The following SH3RF3 variants were observed in gnomAD, a reference collection of about 807,000 sequenced individuals.
SH3RF3 encodes the protein E3 ubiquitin-protein ligase SH3RF3.
Under a neutral mutation model 66.3 loss-of-function variants are expected in SH3RF3, and 29 were observed. That is an observed-to-expected ratio of 0.44 (90% CI 0.33 to 0.60). The LOEUF (loss-of-function observed/expected upper bound fraction) is 0.60, where lower values mean the gene tolerates loss of function less well. Among genes scored for constraint, SH3RF3 ranks in the 20% least tolerant of loss-of-function variants. The pLI, the probability that SH3RF3 is intolerant of heterozygous loss-of-function variation, is 0.04. For missense variants in SH3RF3, 1,194 were observed against 1,190.9 expected, an observed-to-expected ratio of 1.00 and a Z score of -0.04; for synonymous variants, 583 against 532.0, an observed-to-expected ratio of 1.10 and a Z score of -1.32.
intron 1 of SH3RF3, among the ~76,000 whole-genome samples, chr2:109,268,026 G>A (rs1388165737): frequency 6.6e-6 from 1 of 151,902 alleles, no homozygotes; most frequent in African/African-American, 2.4e-5. Flanking sequence ...TGGACTCTGT[G>A]TCCAGTCCTT....
At chr2:109,195,613 T>C (rs370784408) in intron 1 of SH3RF3, among the ~76,000 whole-genome samples, 1 of 152,246 alleles carries the variant, frequency 6.6e-6, no homozygotes, top group African/African-American at 2.4e-5. Flanking sequence ...CATCGTTTTC[T>C]GGAAGGATGC....
intron 8 of SH3RF3, among the ~76,000 whole-genome samples, chr2:109,459,322 A>G (rs1166162644): frequency 3.3e-5 from 5 of 152,140 alleles, no homozygotes; most frequent in African/African-American, 4.8e-5. Context: ...TCACATGGTC[A>G]TGGCTGGTAT....
At chr2:109,149,674 C>T (rs1276849784) in intron 1 of SH3RF3, among the ~76,000 whole-genome samples, 1 of 152,176 alleles carries the variant, frequency 6.6e-6, no homozygotes, top group Non-Finnish European at 1.5e-5. Flanking sequence ...GTGGCAGCAG[C>T]AACGTTGCAG....
At chr2:109,176,931 G>A (rs1019902223) in intron 1 of SH3RF3, among the ~76,000 whole-genome samples, 2 of 152,290 alleles carry the variant, frequency 1.3e-5, no homozygotes, top group South Asian at 2.1e-4. Context: ...TGGTGGAAAG[G>A]AGATTGATCA....
At chr2:109,460,306 C>T (rs984755888) in intron 8 of SH3RF3, among the ~76,000 whole-genome samples, 1 of 152,190 alleles carries the variant, frequency 6.6e-6, no homozygotes, top group Non-Finnish European at 1.5e-5. Context: ...TTGCCCCTTC[C>T]TTGATGGAGG....
At chr2:109,393,466 C>G (rs1676057431) in intron 3 of SH3RF3, among the ~76,000 whole-genome samples, 2 of 152,206 alleles carry the variant, frequency 1.3e-5, no homozygotes, top group Admixed American at 6.5e-5. Context: ...CCAGGTCGTT[C>G]AGTGCACACT....
rs930856367 is a variant in SH3RF3 at position 109,164,163 on chromosome 2, C to G, written c.573+34050C>G. 2.6e-5 allele frequency among the ~76,000 whole-genome samples: 4 copies of G among 152,010 alleles called. No individual in the cohort carries two copies. The South Asian group carries it at 8.3e-4, about 32-fold the overall frequency. On this transcript the variant is annotated intron_variant, in intron 1 of 9. Coordinates refer to ENST00000309415, the MANE Select transcript of SH3RF3 (RefSeq NM_001099289.3). ...TTTTGGTCCAGGAAAACTCTGATGC[C>G]TCTCTCTTTTTTTTTTCTTTTACTT...
chr2:109,352,924 T>G (rs764261733), intron 2 of SH3RF3, among the ~76,000 whole-genome samples: 2 of 152,274 alleles, frequency 1.3e-5, no homozygotes, highest in African/African-American at 2.4e-5. Flanking sequence ...GGGCTGTATC[T>G]GAAGCTTTGC....
intron 4 of SH3RF3, among the ~76,000 whole-genome samples, chr2:109,406,819 A>G (rs1676463680): frequency 6.6e-6 from 1 of 152,152 alleles, no homozygotes; most frequent in South Asian, 2.1e-4. Flanking sequence ...GGCTACATGG[A>G]AGCCTCTGCT....
At chr2:109,248,409 T>C (rs1218499917) in intron 1 of SH3RF3, among the ~76,000 whole-genome samples, 1 of 152,248 alleles carries the variant, frequency 6.6e-6, no homozygotes, top group Non-Finnish European at 1.5e-5. Context: ...CTCATTTTTT[T>C]CCTTTTGGTA....
chr2:109,385,821 A>AG (rs1180760799), intron 3 of SH3RF3, among the ~76,000 whole-genome samples: 3 of 152,264 alleles, frequency 2.0e-5, no homozygotes, highest in African/African-American at 7.2e-5. Context: ...AACAAAAAAA[A>AG]TAAACCCAGG....
chr2:109,214,037 T>C (rs979297200), intron 1 of SH3RF3, among the ~76,000 whole-genome samples: 3 of 151,834 alleles, frequency 2.0e-5, no homozygotes, highest in African/African-American at 7.3e-5. Context: ...AGCCCTGCAG[T>C]TCTGGTTGGA....
chr2:109,406,160 G>T (rs61536631), intron 4 of SH3RF3, among the ~76,000 whole-genome samples: 10,081 of 152,250 alleles, frequency 0.066, 480 homozygotes, highest in East Asian at 0.26. Flanking sequence ...AGGCTCAGCT[G>T]GTGCTCTGGG....
chr2:109,267,571 A>G (rs1680527564), intron 1 of SH3RF3, among the ~76,000 whole-genome samples: 1 of 152,106 alleles, frequency 6.6e-6, no homozygotes, highest in South Asian at 2.1e-4. Context: ...TTGCTTCCTA[A>G]TGAGGGCCCC....
chr2:109,313,083 A>G, intron 1 of SH3RF3, among the ~76,000 whole-genome samples: 1 of 152,196 alleles, frequency 6.6e-6, no homozygotes, highest in East Asian at 1.9e-4. Context: ...CACATACTTC[A>G]GAGGCAGGTG....
At chr2:109,276,057 C>T (rs1173321689) in intron 1 of SH3RF3, among the ~76,000 whole-genome samples, 1 of 152,142 alleles carries the variant, frequency 6.6e-6, no homozygotes, top group Non-Finnish European at 1.5e-5. Context: ...AACCCAGCAA[C>T]CCTTCATTCA....
chr2:109,389,335 A>G (rs1267243209), intron 3 of SH3RF3, among the ~76,000 whole-genome samples: 2 of 152,162 alleles, frequency 1.3e-5, no homozygotes, highest in East Asian at 3.9e-4. Context: ...TACTGGAGGC[A>G]ATGTCTGTCA....
intron 1 of SH3RF3, among the ~76,000 whole-genome samples, chr2:109,133,871 C>G (rs891661254): frequency 6.6e-6 from 1 of 152,130 alleles, no homozygotes; most frequent in Admixed American, 6.5e-5. Flanking sequence ...CTTCCCCAGG[C>G]AGGAGTGGCT....
At chr2:109,240,925 T>C (rs1679766038) in intron 1 of SH3RF3, among the ~76,000 whole-genome samples, 2 of 147,438 alleles carry the variant, frequency 1.4e-5, no homozygotes, top group Admixed American at 1.3e-4. Context: ...TCTTTTCTCA[T>C]GTTCCATCTT....
Sources: gnomAD v4.1 joint callset for allele counts (sites outside exome capture counted in the v4.1 genomes callset) on GRCh38, gnomAD v4.1.1 for gene constraint, MANE v1.5 for transcripts, NCBI Gene and HGNC (gene_info 2026-07-23, HGNC 2026-07-21) for gene names.